Variants in GPHN observed in about 807,000 individuals in gnomAD.
GPHN encodes gephyrin.
GPHN carries 17 observed loss-of-function variants against 95.5 expected under a neutral mutation model. The observed-to-expected ratio is 0.18, with a 90% CI of 0.12 to 0.27. The LOEUF is 0.27. Ranked by LOEUF, GPHN falls within the 10% of genes least tolerant of loss-of-function variation. The pLI, the probability that GPHN is intolerant of heterozygous loss-of-function variation, is 1.00. For missense variants in GPHN, 660 were observed against 978.1 expected (o/e 0.67, Z 4.34); for synonymous variants, 320 against 322.5 (o/e 0.99, Z 0.08).
chr14:67,009,128 A>G (rs2072808772), intron 9 of GPHN, among the ~76,000 whole-genome samples: 1 of 151,430 alleles, frequency 6.6e-6, no homozygotes, highest in Non-Finnish European at 1.5e-5. Context: ...TGTTTTTTTC[A>G]TTAGAAATCA....
At chr14:67,130,802 G>A (rs2079652670) in intron 17 of GPHN, among the ~76,000 whole-genome samples, 1 of 152,108 alleles carries the variant, frequency 6.6e-6, no homozygotes, top group Non-Finnish European at 1.5e-5. Context: ...TTGGACTGGT[G>A]TGAGATGGTC....
the GPHN span, among the ~76,000 whole-genome samples, chr14:67,665,281 G>C: frequency 8.0e-5 from 9 of 112,030 alleles, no homozygotes; most frequent in African/African-American, 2.9e-4. Flanking sequence ...TTTTTTTTGA[G>C]ACAGTCTCAC....
the GPHN span, among the ~76,000 whole-genome samples, chr14:67,220,206 C>T: frequency 6.6e-6 from 1 of 152,052 alleles, no homozygotes; most frequent in Non-Finnish European, 1.5e-5. Flanking sequence ...GAGGCCCAGG[C>T]GGGAGGATGG....
chr14:66,815,069 T>G (rs1318169591), intron 3 of GPHN, among the ~76,000 whole-genome samples: 1 of 152,108 alleles, frequency 6.6e-6, no homozygotes, highest in Non-Finnish European at 1.5e-5. Flanking sequence ...TCTCAGAGCT[T>G]AAAGGCTGGC....
the GPHN span, among the ~76,000 whole-genome samples, chr14:67,663,747 G>A: frequency 6.6e-6 from 1 of 152,146 alleles, no homozygotes; most frequent in Non-Finnish European, 1.5e-5. Context: ...AATTATGAAG[G>A]TGGTACCAGA....
intron 1 of GPHN, among the ~76,000 whole-genome samples, chr14:66,545,872 C>A (rs1197566711): frequency 6.6e-6 from 1 of 151,098 alleles, no homozygotes; most frequent in Admixed American, 6.6e-5. Flanking sequence ...GCTGACCCCC[C>A]CACCTCCCTC....
intron 2 of GPHN, among the ~76,000 whole-genome samples, chr14:66,705,004 A>T (rs1183909196): frequency 6.6e-6 from 1 of 152,262 alleles, no homozygotes; most frequent in Non-Finnish European, 1.5e-5. Context: ...TCCAACAGAG[A>T]TACAAACTAC....
chr14:67,070,715 A>AAAAAAAATATATATATATATAT, intron 11 of GPHN, among the ~76,000 whole-genome samples: 8 of 80,682 alleles, frequency 9.9e-5, no homozygotes, highest in Admixed American at 5.1e-4. Context: ...AAAAAAAAAA[A>AAAAAAAATATATATATATATAT]ATATATATAT....
chr14:67,555,737 G>T, the GPHN span: 5 of 1,556,318 alleles, frequency 3.2e-6, no homozygotes, highest in Non-Finnish European at 4.4e-6. Context: ...TGTGTGCAGT[G>T]TGTGCACAGT....
intron 1 of GPHN, among the ~76,000 whole-genome samples, chr14:66,526,943 TG>T (rs1345332494): frequency 6.6e-6 from 1 of 152,146 alleles, no homozygotes; most frequent in East Asian, 1.9e-4. Context: ...TTTCTTTTTT[TG>T]TTGTGTCTCT....
intron 11 of GPHN, among the ~76,000 whole-genome samples, chr14:67,076,708 A>G (rs765393675): frequency 6.6e-6 from 1 of 152,220 alleles, no homozygotes; most frequent in Non-Finnish European, 1.5e-5. Flanking sequence ...TGCAGCATCA[A>G]TGCCGTTACA....
At chr14:67,229,198 G>A in the GPHN span, among the ~76,000 whole-genome samples, 3 of 152,208 alleles carry the variant, frequency 2.0e-5, no homozygotes, top group Non-Finnish European at 4.4e-5. Context: ...CAAGCTAAAC[G>A]CAAATTTGCG....
intron 8 of GPHN, among the ~76,000 whole-genome samples, chr14:66,933,228 G>A (rs2066922585): frequency 6.6e-6 from 1 of 152,132 alleles, no homozygotes. Flanking sequence ...GGAAGAAATA[G>A]GTAACAGAAA....
the GPHN span, among the ~76,000 whole-genome samples, chr14:67,537,985 CAAG>C: frequency 2.0e-5 from 3 of 152,174 alleles, no homozygotes; most frequent in African/African-American, 7.2e-5. Context: ...CCAGCAGAAT[CAAG>C]AAAACTATGA....
chr14:66,656,043 A>ATAAATATTTCTCAT (rs2065288000), intron 1 of GPHN, among the ~76,000 whole-genome samples: 1 of 152,066 alleles, frequency 6.6e-6, no homozygotes. Flanking sequence ...CACATGAGAA[A>ATAAATATTTCTCAT]TATTTGTCTT....
chr14:66,577,449 A>G (rs1434555194), intron 1 of GPHN, among the ~76,000 whole-genome samples: 1 of 152,144 alleles, frequency 6.6e-6, no homozygotes, highest in Non-Finnish European at 1.5e-5. Context: ...TACATATATT[A>G]TGTAAGTTCC....
the GPHN span, among the ~76,000 whole-genome samples, chr14:67,281,268 C>T: frequency 9.2e-5 from 14 of 152,116 alleles, no homozygotes; most frequent in Non-Finnish European, 2.1e-4. Context: ...TCAGGATCCA[C>T]ATTTCATATG....
intron 2 of GPHN, among the ~76,000 whole-genome samples, chr14:66,773,075 G>T (rs1292986378): frequency 6.6e-6 from 1 of 151,914 alleles, no homozygotes; most frequent in African/African-American, 2.4e-5. Context: ...AGGTTTTCTG[G>T]TCTCCCCAGA....
the GPHN span, chr14:67,593,535 C>A: frequency 5.6e-6 from 3 of 540,198 alleles, no homozygotes; most frequent in South Asian, 2.5e-5. Flanking sequence ...GAAAAAATGC[C>A]AGTGATAATT....
Sources: gnomAD v4.1 joint callset for allele counts (sites outside exome capture counted in the v4.1 genomes callset) on GRCh38, gnomAD v4.1.1 for gene constraint, MANE v1.5 for transcripts, NCBI Gene and HGNC (gene_info 2026-07-23, HGNC 2026-07-21) for gene names.